USH2A: variants seen among roughly 807,000 people sequenced by gnomAD.
The protein encoded by USH2A is Usher syndrome 2A (autosomal recessive, mild).
A neutral mutation model predicts 538.9 loss-of-function variants in USH2A; 443 were observed. The observed-to-expected ratio is 0.82, with a 90% confidence interval of 0.76 to 0.89. The LOEUF is 0.89. Among genes scored for constraint, USH2A ranks in the 40% least tolerant of loss-of-function variants. The probability of loss-of-function intolerance (pLI) is 0.00; values close to 1 mark genes in which losing one functional copy is unlikely to be tolerated. For synonymous variants in USH2A, 2,413 were observed against 2,273.5 expected (o/e 1.06, Z -1.75); for missense variants, 6,633 against 6,324.8 (o/e 1.05, Z -1.65).
intron 38 of USH2A, among the ~76,000 whole-genome samples, chr1:215,931,034 C>A (rs2102496512): frequency 6.6e-6 from 1 of 151,936 alleles, no homozygotes; most frequent in Non-Finnish European, 1.5e-5. Context: ...ATACAAAAAA[C>A]TTGAGTGTGC....
intron 21 of USH2A, among the ~76,000 whole-genome samples, chr1:216,131,539 C>A (rs1030777420): frequency 6.6e-6 from 1 of 151,906 alleles, no homozygotes; most frequent in African/African-American, 2.4e-5. Context: ...TGGTTTTTAC[C>A]AAACTATATT....
chr1:215,975,360 A>G (rs1055905998), intron 35 of USH2A, among the ~76,000 whole-genome samples: 1 of 151,952 alleles, frequency 6.6e-6, no homozygotes, highest in Non-Finnish European at 1.5e-5. Context: ...TTTTGTTGCA[A>G]TTGCTTTTGA....
chr1:215,670,095 CAT>C (rs1377506432), intron 64 of USH2A, among the ~76,000 whole-genome samples: 1 of 152,190 alleles, frequency 6.6e-6, no homozygotes, highest in East Asian at 1.9e-4. Context: ...GTTGAAGAAC[CAT>C]GCTTGGAAAT....
intron 49 of USH2A, among the ~76,000 whole-genome samples, chr1:215,802,406 T>C (rs1662363329): frequency 6.6e-6 from 1 of 152,040 alleles, no homozygotes; most frequent in Non-Finnish European, 1.5e-5. Flanking sequence ...AGAACTTCTA[T>C]AACTCAAAAA....
intron 3 of USH2A, among the ~76,000 whole-genome samples, chr1:216,369,920 CAAA>C (rs71161416): frequency 7.8e-6 from 1 of 127,392 alleles, no homozygotes; most frequent in Admixed American, 7.8e-5. Context: ...GAGACTCTGC[CAAA>C]AAAAAAAAAA....
At chr1:215,637,756 A>ACTC (rs1365852442) in intron 69 of USH2A, among the ~76,000 whole-genome samples, 2 of 151,994 alleles carry the variant, frequency 1.3e-5, no homozygotes, top group African/African-American at 4.8e-5. Flanking sequence ...CATGTATGAG[A>ACTC]CTCTGTCTCA....
chr1:215,883,292 T>C (rs188741861), intron 41 of USH2A, among the ~76,000 whole-genome samples: 1 of 152,262 alleles, frequency 6.6e-6, no homozygotes, highest in Admixed American at 6.5e-5. Flanking sequence ...CATATTAAGG[T>C]GAAATTGATT....
chr1:215,981,550 T>C lies in USH2A; in HGVS notation c.6806-10774A>G, dbSNP rs756996781. ...TCAACCCTGTTGTTTGACTTTGTTT[T>C]AGAGGAGGAGGCTTAACAGCTAGTT... On this transcript the variant is annotated intron_variant, in intron 35 of 71. Coordinates refer to ENST00000307340, the MANE Select transcript of USH2A (RefSeq NM_206933.4). Among the ~76,000 whole-genome samples the C allele has an allele frequency of 5.7e-4, 86 of 152,156 alleles. 1 individual carries two copies. Among genetic ancestry groups the C allele is most frequent in the Admixed American group, 5.5e-3 (84 of 15,272 alleles).
intron 30 of USH2A, among the ~76,000 whole-genome samples, chr1:216,068,738 TA>T (rs2102544827): frequency 6.6e-6 from 1 of 152,182 alleles, no homozygotes; most frequent in East Asian, 1.9e-4. Flanking sequence ...GCGTGAAAAT[TA>T]AAAATAATAA....
chr1:215,723,221 T>A (rs1457705822), intron 61 of USH2A, among the ~76,000 whole-genome samples: 2 of 151,588 alleles, frequency 1.3e-5, no homozygotes, highest in Admixed American at 6.6e-5. Flanking sequence ...AAACTTTTCA[T>A]GAGGTTGGGA....
At chr1:216,075,116 G>A (rs1437454959) in intron 27 of USH2A, among the ~76,000 whole-genome samples, 1 of 152,128 alleles carries the variant, frequency 6.6e-6, no homozygotes, top group Non-Finnish European at 1.5e-5. Context: ...AGCCCAGGGA[G>A]ATACATCTTT....
intron 49 of USH2A, among the ~76,000 whole-genome samples, chr1:215,805,752 C>T (rs898981540): frequency 3.3e-5 from 5 of 151,400 alleles, no homozygotes; most frequent in African/African-American, 1.2e-4. Flanking sequence ...AGTAGATTGT[C>T]CCTTCCTTCT....
chr1:216,028,491 G>T (rs115077701), intron 32 of USH2A, among the ~76,000 whole-genome samples: 2,235 of 151,980 alleles, frequency 0.015, 43 homozygotes, highest in African/African-American at 0.049. Context: ...GAAAATCTCA[G>T]GAAATATTTA....
chr1:216,407,915 T>C (rs181726830), intron 3 of USH2A, among the ~76,000 whole-genome samples: 9 of 150,254 alleles, frequency 6.0e-5, no homozygotes, highest in African/African-American at 2.0e-4. Flanking sequence ...TTTTCAAGAC[T>C]AGAGATTGTT....
chr1:215,889,195 C>A, intron 40 of USH2A, 141 bp from the exon 41 acceptor site: 1 of 1,004,248 alleles, frequency 1.0e-6, no homozygotes, highest in Non-Finnish European at 1.5e-6. Context: ...AAATAAGTGC[C>A]ATAAAGACAA....
In USH2A at chr1:216,078,078, A is replaced by G; in HGVS notation, c.5572+11T>C. 1 of 1,613,538 alleles carries G rather than the reference A, an allele frequency of 6.2e-7. No homozygotes were observed. Among genetic ancestry groups the G allele is most frequent in the Non-Finnish European group, 8.5e-7 (1 of 1,179,662 alleles). On this transcript the variant is annotated intron_variant, in intron 27 of 71. Transcript: ENST00000307340. ...TGTATGGATTTGTGAATTCCTCCAG[A>G]TGGAACTTACCTTGTTCCAAACACA...
At chr1:216,366,077 C>G (rs2038590544) in intron 3 of USH2A, among the ~76,000 whole-genome samples, 1 of 152,110 alleles carries the variant, frequency 6.6e-6, no homozygotes, top group South Asian at 2.1e-4. Flanking sequence ...AACTTCATCT[C>G]TGCAAATAGT....
At chr1:215,836,892 C>T (rs1663548663) in intron 47 of USH2A, among the ~76,000 whole-genome samples, 1 of 151,484 alleles carries the variant, frequency 6.6e-6, no homozygotes, top group Non-Finnish European at 1.5e-5. Context: ...GATGTGTTTG[C>T]TAAAGAATAA....
At chr1:216,109,569 G>C (rs1205783165) in intron 21 of USH2A, among the ~76,000 whole-genome samples, 1 of 152,050 alleles carries the variant, frequency 6.6e-6, no homozygotes, top group African/African-American at 2.4e-5. Flanking sequence ...CTTTCTTACT[G>C]TTCTACATCC....
Sources: gnomAD v4.1 joint callset for allele counts (sites outside exome capture counted in the v4.1 genomes callset) on GRCh38, gnomAD v4.1.1 for gene constraint, MANE v1.5 for transcripts, NCBI Gene and HGNC (gene_info 2026-07-23, HGNC 2026-07-21) for gene names.